AMY2B: variants seen among roughly 807,000 people sequenced by gnomAD.
The protein encoded by AMY2B is amylase alpha 2B.
Under a neutral mutation model 59.3 loss-of-function variants are expected in AMY2B, and 63 were observed. The ratio of observed to expected loss-of-function variants is 1.06; its 90% confidence interval spans 0.87 to 1.31. AMY2B has a LOEUF of 1.31. Among genes scored for constraint, AMY2B ranks in the 50% most tolerant of loss-of-function variants. The pLI, the probability that AMY2B is intolerant of heterozygous loss-of-function variation, is 0.00. For missense variants in AMY2B, 635 were observed against 626.7 expected (o/e 1.01, Z -0.14); for synonymous variants, 180 against 198.1 (o/e 0.91, Z 0.77).
chr1:103,574,222 C>T (rs538195621), intron 4 of AMY2B, 38 bp from the exon 5 acceptor site: 4 of 1,611,066 alleles, frequency 2.5e-6, no homozygotes, highest in Non-Finnish European at 3.4e-6. Context: ...CTTTAAAGTC[C>T]TTATGCAAAA....
At chr1:103,571,552 T>G (rs1278036096), upstream of AMY2B, 12 of 1,593,168 alleles carry the variant, frequency 7.5e-6, no homozygotes, top group Non-Finnish European at 8.6e-6. Flanking sequence ...ATGTGCTTCT[T>G]ACAGGAATAT....
chr1:103,569,719 A>G (rs1340833375), upstream of AMY2B: 2 of 403,682 alleles, frequency 5.0e-6, no homozygotes, highest in Non-Finnish European at 1.0e-5. Context: ...TGTGGGCTAC[A>G]TGGCTGAGAG....
intron 1 of AMY2B, among the ~76,000 whole-genome samples, chr1:103,561,048 G>A (rs1162977925): frequency 2.0e-5 from 3 of 150,342 alleles, no homozygotes; most frequent in Non-Finnish European, 4.4e-5. Context: ...GGGTACGCGT[G>A]TGTGATAAGT....
At chr1:103,574,950 G>C (rs909847163) in intron 5 of AMY2B, among the ~76,000 whole-genome samples, 2 of 150,808 alleles carry the variant, frequency 1.3e-5, no homozygotes, top group African/African-American at 4.9e-5. Context: ...ATGAATATAA[G>C]TATTCCATAC....
chr1:103,578,387 G>A (rs1340790565), intron 9 of AMY2B, among the ~76,000 whole-genome samples: 1 of 152,084 alleles, frequency 6.6e-6, no homozygotes, highest in African/African-American at 2.4e-5. Context: ...GGCTTCAGGG[G>A]ATTTGAGTTT....
intron 9 of AMY2B, among the ~76,000 whole-genome samples, chr1:103,578,489 G>A (rs1169091926): frequency 3.9e-5 from 6 of 152,080 alleles, no homozygotes; most frequent in Non-Finnish European, 1.5e-5. Context: ...TAGCTCAGAA[G>A]ACCTCGTTGC....
rs1344497309 is a variant in AMY2B at position 103,574,264 on chromosome 1, T to C, written c.749T>C (p.Ile250Thr). 6.2e-7 allele frequency: 1 copy of C among 1,611,802 alleles called. No homozygotes were observed. The highest frequency in any genetic ancestry group is 8.5e-7 in the Non-Finnish European group (1 of 1,179,686). ...TTTTTCCTAATTTTCTACTAGGTAA[T>C]TGATCTGGGTGGTGAGCCAATTAAA... is the stretch of plus-strand genomic sequence containing the variant. ...GSKPFIYQEV[I>T]DLGGEPIKSS... Residue 250 changes from isoleucine to threonine, a missense_variant, in exon 5 of 10, where the codon ATT becomes ACT. Physicochemically the swap from Ile to Thr is moderately conservative, Grantham distance 89. Transcript: ENST00000684275.
Position 103,573,702 on chromosome 1 carries a change from C to A in AMY2B, c.514-6C>A. 1 of 1,613,630 alleles carries A rather than the reference C, an allele frequency of 6.2e-7. No individual in the cohort carries two copies. The highest frequency in any genetic ancestry group is 8.5e-7 in the Non-Finnish European group (1 of 1,179,650). ...TGAATCAATCATAACATTTTTACCT[C>A]AACAGGTCAGAGATTGTCGTCTGGT... On this transcript the variant is annotated splice_polypyrimidine_tract_variant and splice_region_variant and intron_variant, in intron 3 of 9. Coordinates refer to ENST00000684275, the MANE Select transcript of AMY2B (RefSeq NM_001387437.1).
chr1:103,563,460 A>T (rs993324703), intron 1 of AMY2B, among the ~76,000 whole-genome samples: 11 of 152,148 alleles, frequency 7.2e-5, no homozygotes, highest in African/African-American at 2.4e-4. Flanking sequence ...GATGCCGAAG[A>T]TGCTAAGAAT....
chr1:103,577,719 G>A lies in AMY2B; in HGVS notation c.1221-1G>A, dbSNP rs1652417712. On this transcript the variant is annotated splice_acceptor_variant, in intron 8 of 9. Coordinates refer to ENST00000684275, the MANE Select transcript of AMY2B (RefSeq NM_001387437.1). LOFTEE classifies it high-confidence loss of function. ...CGTTTTATATGGTATTGTGTTTTTA[G>A]GAACATGGTTAATTTCCGCAATGTA... The A allele has an allele frequency of 6.2e-7, 1 of 1,611,628 alleles. No homozygotes were observed.
At chr1:103,562,368 C>G (rs17014910) in intron 1 of AMY2B, among the ~76,000 whole-genome samples, 31,275 of 152,036 alleles carry the variant, frequency 0.21, 3,459 homozygotes, top group Middle Eastern at 0.38. Flanking sequence ...TACATTGCAA[C>G]TTATCCTGAG....
At position 103,565,732 on chromosome 1, in the gene AMY2B, C is replaced by T. The variant is rs934248530; in HGVS notation, c.-47+138C>T. On this transcript the variant is annotated intron_variant, in intron 2 of 11. Transcript: ENST00000361355. ...ACAAATATCAAGCTAATTCCATAGT[C>T]TTTGTAGAGAGAGACTTTATATAGG... is the stretch of plus-strand genomic sequence containing the variant. 4 of 152,148 alleles carry T rather than the reference C, an allele frequency of 2.6e-5. 1 individual carries two copies. The East Asian group carries it at 7.7e-4, about 29-fold the overall frequency. The allele number at this position is 152,148 out of a possible 1,614,324, so 9.4% of individuals were successfully genotyped here. A position where few individuals can be genotyped will look rare whatever the true frequency, so the allele number is the denominator to read the frequency against.
At chr1:103,568,734 A>G (rs1029969381), upstream of AMY2B, 1 of 151,890 alleles carries the variant, frequency 6.6e-6, no homozygotes, top group East Asian at 1.9e-4. Context: ...ATTAGGATTT[A>G]TATATATACA....
intron 1 of AMY2B, among the ~76,000 whole-genome samples, chr1:103,556,227 T>A (rs1396551250): frequency 1.3e-5 from 2 of 152,190 alleles, no homozygotes; most frequent in Non-Finnish European, 2.9e-5. Flanking sequence ...CAATGTGGTT[T>A]TGTGTTTTTC....
chr1:103,576,491 G>T (rs1652359207), intron 7 of AMY2B, among the ~76,000 whole-genome samples: 1 of 152,014 alleles, frequency 6.6e-6, no homozygotes, highest in Admixed American at 6.6e-5. Flanking sequence ...CAGGACTGCT[G>T]CATGCTAAAA....
At chr1:103,569,857 G>A, upstream of AMY2B, 6 of 457,606 alleles carry the variant, frequency 1.3e-5, no homozygotes, top group South Asian at 1.1e-4. Context: ...AGGAGCACCT[G>A]GTGCTGCTGA....
intron 7 of AMY2B, among the ~76,000 whole-genome samples, chr1:103,576,163 A>C (rs1424010735): frequency 6.6e-6 from 1 of 152,216 alleles, no homozygotes; most frequent in African/African-American, 2.4e-5. Context: ...AAGAGTGTAC[A>C]GATATTTGGA....
In AMY2B at chr1:103,574,315, G is replaced by T. The variant is rs200275225; in HGVS notation, c.800G>T (p.Arg267Leu). 6.8e-6 allele frequency: 11 copies of T among 1,611,488 alleles called. No homozygotes were observed. The Admixed American group carries it at 1.5e-4, about 22-fold the overall frequency. Residue 267 changes from arginine to leucine, a missense_variant, in exon 5 of 10, where the codon CGG becomes CTG. Transcript: ENST00000684275. ...AGCAGTGACTACTTTGGAAATGGCC[G>T]GGTGACAGAATTCAAGTATGGTGCA... The part of the protein sequence containing the change: ...IKSSDYFGNG[R>L]VTEFKYGAKL...
rs765904488 is a variant in AMY2B, at chr1:103,572,173, C to A, written c.232C>A (p.Gln78Lys). Residue 78 changes from glutamine to lysine, a missense_variant, in exon 2 of 10, where the codon CAA (glutamine) becomes AAA (lysine). Physicochemically the swap from Gln to Lys is moderately conservative, Grantham distance 53. Coordinates refer to ENST00000684275, the MANE Select transcript of AMY2B (RefSeq NM_001387437.1). ...NPFRPWWERYQPVSYKLCTRS... is the reference protein window; with the variant it reads ...NPFRPWWERYKPVSYKLCTRS... ...TTTCAGACCTTGGTGGGAAAGATAC[C>A]AACCAGTTAGCTATAAATTATGCAC... 3.7e-6 allele frequency: 6 copies of A among 1,611,550 alleles called. No homozygotes were observed. The highest frequency in any genetic ancestry group is 2.3e-4 in the Middle Eastern group (1 of 4,426).
Sources: allele counts gnomAD v4.1 joint callset (sites outside exome capture counted in the v4.1 genomes callset), GRCh38; gene constraint gnomAD v4.1.1; transcripts MANE v1.5; gene names NCBI Gene and HGNC (gene_info 2026-07-23, HGNC 2026-07-21).